CADPS: variants seen among roughly 807,000 people sequenced by gnomAD.
CADPS encodes the protein calcium-dependent secretion activator 1.
A neutral mutation model predicts 167.3 loss-of-function variants in CADPS; 57 were observed. That is an observed-to-expected ratio of 0.34 (90% CI 0.28 to 0.42). CADPS has a LOEUF of 0.42. Among genes scored for constraint, CADPS ranks in the 20% least tolerant of loss-of-function variants. The pLI is 1.00. For synonymous variants in CADPS, 676 were observed against 635.3 expected (o/e 1.06, Z -0.96); for missense variants, 1,414 against 1,738.1 (o/e 0.81, Z 3.32).
Position 62,660,150 on chromosome 3 carries a change from C to T in CADPS, c.969+2164G>A, listed in dbSNP as rs77448144. Among the ~76,000 whole-genome samples the T allele has an allele frequency of 4.3e-3, 594 of 139,306 alleles. 5 individuals are homozygous for T. Among genetic ancestry groups the T allele is most frequent in the African/African-American group, 0.014 (577 of 40,284 alleles). The allele number at this position is 139,306 out of a possible 152,430, so 91.4% of individuals were successfully genotyped here. On this transcript the variant is annotated intron_variant, in intron 4 of 29. Coordinates refer to ENST00000383710, the MANE Select transcript of CADPS (RefSeq NM_003716.4). Reference sequence around the variant, plus strand: ...ATTAAAAATTAAAATTAGCCTAACACCAGTTTCTTAAATTATCATGTTAAG... The same window carrying T: ...ATTAAAAATTAAAATTAGCCTAACATCAGTTTCTTAAATTATCATGTTAAG...
At chr3:62,754,092 C>T (rs768494227) in intron 2 of CADPS, among the ~76,000 whole-genome samples, 90 of 152,328 alleles carry the variant, frequency 5.9e-4, no homozygotes, top group Admixed American at 9.8e-4. Flanking sequence ...TTCTCTGCCC[C>T]TTAGTGGCTG....
At position 62,765,804 on chromosome 3, in the gene CADPS, T is replaced by C. The variant is rs1438522766; in HGVS notation, c.555+67A>G. On this transcript the variant is annotated intron_variant, in intron 2 of 29. Coordinates refer to ENST00000383710, the MANE Select transcript of CADPS (RefSeq NM_003716.4). ...ACCAAAACGACTGTCCCCATTGCCC[T>C]GCAGCTCAGACTCCCCAGGCATAGG... 2.4e-5 allele frequency: 24 copies of C among 994,764 alleles called. No homozygotes were observed. In the East Asian group the frequency reaches 5.5e-4, roughly 23 times the overall value. The allele number at this position is 994,764 out of a possible 1,614,324, so 61.6% of individuals were successfully genotyped here. A position where few individuals can be genotyped will look rare whatever the true frequency, so the allele number is the denominator to read the frequency against.
At chr3:62,829,520 G>T (rs543682752) in intron 1 of CADPS, among the ~76,000 whole-genome samples, 2 of 152,042 alleles carry the variant, frequency 1.3e-5, no homozygotes, top group Non-Finnish European at 2.9e-5. Context: ...AGTGAATATT[G>T]TATGAATAAA....
chr3:62,432,274 G>A (rs1432234922), intron 28 of CADPS, among the ~76,000 whole-genome samples: 1 of 152,128 alleles, frequency 6.6e-6, no homozygotes, highest in African/African-American at 2.4e-5. Context: ...TAAGAAGCCA[G>A]TTTCTTTACA....
At chr3:62,642,611 A>G (rs1175420174) in intron 6 of CADPS, among the ~76,000 whole-genome samples, 1 of 152,216 alleles carries the variant, frequency 6.6e-6, no homozygotes, top group Non-Finnish European at 1.5e-5. Context: ...ATGCTACCAG[A>G]TAAAACTGGA....
chr3:62,461,806 C>T (rs1029915230), intron 26 of CADPS, among the ~76,000 whole-genome samples: 3 of 152,134 alleles, frequency 2.0e-5, no homozygotes, highest in African/African-American at 4.8e-5. Flanking sequence ...CTTCTCCCAC[C>T]GGATAATTTT....
intron 6 of CADPS, among the ~76,000 whole-genome samples, chr3:62,613,990 G>C (rs140240873): frequency 6.6e-6 from 1 of 152,068 alleles, no homozygotes. Flanking sequence ...CCCTGAGAGA[G>C]TGCTCCCACC....
chr3:62,474,053 A>G (rs894395870), intron 24 of CADPS, 120 bp downstream of exon 24: 20 of 663,954 alleles, frequency 3.0e-5, no homozygotes, highest in Non-Finnish European at 4.4e-5. Context: ...TAATCCACAA[A>G]TGTTAGAGTG....
At chr3:62,756,106 T>C (rs978918381) in intron 2 of CADPS, among the ~76,000 whole-genome samples, 2 of 151,584 alleles carry the variant, frequency 1.3e-5, no homozygotes, top group African/African-American at 2.4e-5. Context: ...CAGGCTGAAG[T>C]ACAGTGGTGC....
intron 1 of CADPS, among the ~76,000 whole-genome samples, chr3:62,846,310 C>T (rs937051654): frequency 6.6e-6 from 1 of 152,160 alleles, no homozygotes; most frequent in African/African-American, 2.4e-5. Context: ...GGGAAGACTA[C>T]TCCATAAGCA....
intron 6 of CADPS, among the ~76,000 whole-genome samples, chr3:62,608,527 C>T (rs2061018183): frequency 1.3e-5 from 2 of 152,074 alleles, no homozygotes; most frequent in Non-Finnish European, 2.9e-5. Context: ...GATTCACCCA[C>T]CTCGGCCTCC....
At chr3:62,770,045 G>A (rs143503757) in intron 1 of CADPS, among the ~76,000 whole-genome samples, 1 of 152,188 alleles carries the variant, frequency 6.6e-6, no homozygotes, top group Non-Finnish European at 1.5e-5. Context: ...ACTTTGACTT[G>A]CTCCACTTTG....
chr3:62,572,057 C>T lies in CADPS; in HGVS notation c.1578-1119G>A, dbSNP rs575770901. On this transcript the variant is annotated intron_variant, in intron 8 of 29. Coordinates refer to ENST00000383710, the MANE Select transcript of CADPS (RefSeq NM_003716.4). ...AAAACTGGCTTTACCTGTCTACTGT[C>T]ATCAACACCCACTGGAAAACTTCCA... Among the ~76,000 whole-genome samples the T allele has an allele frequency of 4.4e-4, 67 of 152,316 alleles. 1 individual carries two copies. Among genetic ancestry groups the T allele is most frequent in the Admixed American group, 3.3e-3 (50 of 15,300 alleles).
chr3:62,553,388 C>T (rs1016514515), intron 10 of CADPS, among the ~76,000 whole-genome samples: 3 of 152,126 alleles, frequency 2.0e-5, no homozygotes, highest in East Asian at 3.9e-4. Flanking sequence ...TTCCATTTTA[C>T]AGATGAGGAA....
rs76004147 is a variant in CADPS, at chr3:62,448,284, C to T, written c.3637-2487G>A. 1.2e-3 allele frequency among the ~76,000 whole-genome samples: 188 copies of T among 152,274 alleles called. 2 individuals carry two copies. Among genetic ancestry groups the T allele is most frequent in the East Asian group, 9.6e-3 (50 of 5,182 alleles). On this transcript the variant is annotated intron_variant, in intron 26 of 29. Coordinates refer to ENST00000383710, the MANE Select transcript of CADPS (RefSeq NM_003716.4). ...TTAGCAGTTGGTAGGGGTTTTGTTA[C>T]AGCTGAAATGAGCAACCTTTAAACA...
intron 6 of CADPS, among the ~76,000 whole-genome samples, chr3:62,623,849 A>C (rs1032176263): frequency 6.6e-6 from 1 of 152,166 alleles, no homozygotes; most frequent in African/African-American, 2.4e-5. Context: ...TCATAAATAA[A>C]AAGAATTCTT....
intron 13 of CADPS, among the ~76,000 whole-genome samples, chr3:62,518,781 T>G (rs2069643551): frequency 6.6e-6 from 1 of 152,152 alleles, no homozygotes; most frequent in Admixed American, 6.6e-5. Flanking sequence ...CAAAAATTCC[T>G]ATGAAAATCA....
chr3:62,679,026 T>C (rs2076734525), intron 3 of CADPS, among the ~76,000 whole-genome samples: 1 of 151,992 alleles, frequency 6.6e-6, no homozygotes, highest in Non-Finnish European at 1.5e-5. Flanking sequence ...TAGCTTTTCT[T>C]TACCCCACCT....
intron 3 of CADPS, among the ~76,000 whole-genome samples, chr3:62,690,009 G>C (rs1911188): frequency 6.6e-6 from 1 of 151,590 alleles, no homozygotes; most frequent in Admixed American, 6.6e-5. Flanking sequence ...ATTTTAGCTA[G>C]GAGAGGTACT....
Sources: gnomAD v4.1 joint callset for allele counts (sites outside exome capture counted in the v4.1 genomes callset) on GRCh38, gnomAD v4.1.1 for gene constraint, MANE v1.5 for transcripts, NCBI Gene and HGNC (gene_info 2026-07-23, HGNC 2026-07-21) for gene names.